The following FAM13B variants were observed in gnomAD, a reference collection of about 807,000 sequenced individuals.
FAM13B encodes the protein family with sequence similarity 13 member B.
FAM13B carries 60 observed loss-of-function variants against 117.3 expected under a neutral mutation model. The ratio of observed to expected loss-of-function variants is 0.51; its 90% CI spans 0.42 to 0.63. FAM13B has a LOEUF of 0.63. Among genes scored for constraint, FAM13B ranks in the 30% least tolerant of loss-of-function variants. The pLI is 0.00. For missense variants in FAM13B, 972 were observed against 1,091.9 expected (o/e 0.89, Z 1.55); for synonymous variants, 332 against 356.1 (o/e 0.93, Z 0.76).
At chr5:138,041,987 G>GA (rs1791514996) in intron 1 of FAM13B, among the ~76,000 whole-genome samples, 1 of 151,998 alleles carries the variant, frequency 6.6e-6, no homozygotes, top group South Asian at 2.1e-4. Flanking sequence ...TTTGAGCCCG[G>GA]AAGTTCAAGG....
intron 10 of FAM13B, among the ~76,000 whole-genome samples, chr5:137,976,829 CCT>C (rs1774163784): frequency 6.6e-6 from 1 of 152,050 alleles, no homozygotes; most frequent in South Asian, 2.1e-4. Context: ...GCCTCAGGAC[CCT>C]GTGATGATTG....
intron 12 of FAM13B, 82 bp downstream of exon 12, chr5:137,960,084 A>G (rs1767725234): frequency 2.3e-6 from 2 of 855,772 alleles, no homozygotes; most frequent in Non-Finnish European, 3.8e-6. Flanking sequence ...CTTTAAACCT[A>G]GCTAACCCAC....
At chr5:137,973,016 G>T (rs940316489) in intron 10 of FAM13B, among the ~76,000 whole-genome samples, 3 of 152,118 alleles carry the variant, frequency 2.0e-5, no homozygotes, top group Admixed American at 2.0e-4. Flanking sequence ...TCGATATCAT[G>T]AAAATGGCCA....
At chr5:137,968,747 T>C (rs1770948450) in intron 10 of FAM13B, among the ~76,000 whole-genome samples, 1 of 152,152 alleles carries the variant, frequency 6.6e-6, no homozygotes, top group Non-Finnish European at 1.5e-5. Context: ...GGTCAGTGGG[T>C]GCGTGCATCG....
chr5:138,051,646 G>A (rs1400763657), intron 1 of FAM13B, among the ~76,000 whole-genome samples: 4 of 151,846 alleles, frequency 2.6e-5, no homozygotes, highest in African/African-American at 9.7e-5. Context: ...CATCACAAAA[G>A]TAGCAACTAT....
chr5:138,033,184 A>G (rs969385345), upstream of FAM13B: 59 of 445,824 alleles, frequency 1.3e-4, no homozygotes, highest in Admixed American at 1.3e-3. Flanking sequence ...CATTCCGGGC[A>G]GCGGCCCTGT....
chr5:138,012,328 G>C (rs11955012), intron 4 of FAM13B, among the ~76,000 whole-genome samples: 22,012 of 149,778 alleles, frequency 0.15, 1,771 homozygotes, highest in Non-Finnish European at 0.18. Context: ...GGCCATGCCA[G>C]ACAATACAAA....
At chr5:137,993,780 C>T (rs1779220856) in intron 7 of FAM13B, among the ~76,000 whole-genome samples, 1 of 151,920 alleles carries the variant, frequency 6.6e-6, no homozygotes, top group Admixed American at 6.6e-5. Context: ...GAGCAAGACT[C>T]CGCCTCAAAA....
intron 1 of FAM13B, among the ~76,000 whole-genome samples, chr5:138,024,830 G>A (rs79646873): frequency 3.6e-5 from 4 of 109,844 alleles, no homozygotes; most frequent in South Asian, 3.2e-4. Context: ...GAGAGAGAGA[G>A]AGAGAAAGAG....
At position 137,990,214 on chromosome 5, in the gene FAM13B, C is replaced by T. The variant is rs1343874230; in HGVS notation, c.849-1899G>A. Reference sequence around the variant, plus strand: ...GATAATATTTGCAATCTCTACTAAACTTAGATAATTCCTTGCCTATCGAGA... The same window carrying T: ...GATAATATTTGCAATCTCTACTAAATTTAGATAATTCCTTGCCTATCGAGA... On this transcript the variant is annotated intron_variant, in intron 7 of 23. Transcript: ENST00000689681. 2.0e-5 allele frequency among the ~76,000 whole-genome samples: 3 copies of T among 152,294 alleles called. No individual in the cohort carries two copies. In the South Asian group the frequency reaches 6.2e-4, roughly 32 times the overall value.
chr5:137,943,521 C>T (rs1310625161), intron 20 of FAM13B, among the ~76,000 whole-genome samples: 1 of 152,106 alleles, frequency 6.6e-6, no homozygotes, highest in African/African-American at 2.4e-5. Context: ...CCAAGGCAGG[C>T]GGATCACAGG....
intron 3 of FAM13B, 30 bp from the exon 4 acceptor site, chr5:138,018,544 A>C (rs764681609): frequency 1.9e-6 from 3 of 1,574,120 alleles, no homozygotes; most frequent in Non-Finnish European, 2.6e-6. Flanking sequence ...TCATTCAATA[A>C]GCTGCAATGT....
At chr5:138,040,934 C>T (rs1268465298) in intron 1 of FAM13B, among the ~76,000 whole-genome samples, 2 of 151,832 alleles carry the variant, frequency 1.3e-5, no homozygotes, top group Non-Finnish European at 2.9e-5. Context: ...TGTGGTGGCA[C>T]ACGCCTGTAA....
intron 20 of FAM13B, among the ~76,000 whole-genome samples, chr5:137,945,347 C>T (rs1261791304): frequency 6.6e-6 from 1 of 152,154 alleles, no homozygotes; most frequent in Non-Finnish European, 1.5e-5. Flanking sequence ...CATTTAAACA[C>T]TAAAGTTTTC....
chr5:138,002,061 C>T (rs547480906), intron 7 of FAM13B, among the ~76,000 whole-genome samples: 5 of 152,226 alleles, frequency 3.3e-5, no homozygotes, highest in South Asian at 2.1e-4. Context: ...AGGAATGAAA[C>T]GCTCTTACCT....
chr5:137,980,913 G>GTT (rs1009779788), intron 10 of FAM13B, among the ~76,000 whole-genome samples: 1 of 143,222 alleles, frequency 7.0e-6, no homozygotes. Context: ...CCCTCATAAA[G>GTT]TTTTTTTTTT....
At chr5:137,952,460 AC>A (rs1581070536) in intron 17 of FAM13B, among the ~76,000 whole-genome samples, 167 bp downstream of exon 17, 2 of 152,236 alleles carry the variant, frequency 1.3e-5, no homozygotes, top group East Asian at 1.9e-4. Flanking sequence ...ATAACACAGT[AC>A]TACAGTATGC....
At chr5:137,974,891 A>C (rs954473876) in intron 10 of FAM13B, among the ~76,000 whole-genome samples, 14 of 152,162 alleles carry the variant, frequency 9.2e-5, no homozygotes, top group African/African-American at 3.1e-4. Flanking sequence ...TGTGGGTAGA[A>C]GGGAGAATCA....
At chr5:138,013,418 G>A (rs967960524) in intron 4 of FAM13B, among the ~76,000 whole-genome samples, 6 of 150,048 alleles carry the variant, frequency 4.0e-5, no homozygotes, top group Admixed American at 2.7e-4. Flanking sequence ...GGAGAATGGC[G>A]TGAACCCAGG....
Sources: allele counts gnomAD v4.1 joint callset (sites outside exome capture counted in the v4.1 genomes callset), GRCh38; gene constraint gnomAD v4.1.1; transcripts MANE v1.5; gene names NCBI Gene and HGNC (gene_info 2026-07-23, HGNC 2026-07-21).